The following MAP3K20 variants were observed in gnomAD, a reference collection of about 807,000 sequenced individuals.
The protein encoded by MAP3K20 is HCCS-4.
In MAP3K20, 40 loss-of-function variants were observed where a neutral mutation model predicts 85.7. The ratio of observed to expected loss-of-function variants is 0.47; its 90% confidence interval spans 0.36 to 0.61. MAP3K20 has a LOEUF of 0.61. Among genes scored for constraint, MAP3K20 ranks in the 20% least tolerant of loss-of-function variants. MAP3K20 has a pLI of 0.00. For synonymous variants in MAP3K20, 325 were observed against 327.7 expected, an observed-to-expected ratio of 0.99 and a Z score of 0.09; for missense variants, 817 against 961.7, an observed-to-expected ratio of 0.85 and a Z score of 1.99.
chr2:173,180,092 T>C (rs1690281114), intron 3 of MAP3K20, among the ~76,000 whole-genome samples: 1 of 152,198 alleles, frequency 6.6e-6, no homozygotes, highest in African/African-American at 2.4e-5. Flanking sequence ...CAGCAGACTT[T>C]TTTTTAGAAA....
intron 2 of MAP3K20, chr2:173,160,126 A>C (rs1463757145): frequency 6.6e-6 from 1 of 152,142 alleles, no homozygotes; most frequent in African/African-American, 2.4e-5. Context: ...TATAGGATGT[A>C]TTCTATTATG....
At chr2:173,215,397 C>A (rs1276345030) in intron 10 of MAP3K20, among the ~76,000 whole-genome samples, 2 of 152,140 alleles carry the variant, frequency 1.3e-5, no homozygotes, top group African/African-American at 4.8e-5. Context: ...CTCAGTCCTC[C>A]ATTGAAAAAT....
At chr2:173,091,238 AAGCTTTTTCAACCTCG>A (rs1253261760) in intron 2 of MAP3K20, 48 bp downstream of exon 2, 1 of 1,580,380 alleles carries the variant, frequency 6.3e-7, no homozygotes, top group Non-Finnish European at 8.6e-7. Flanking sequence ...CCATTTATGT[AAGCTTTTTCAACCTCG>A]AGTTAGAGGG....
chr2:173,179,704 G>GCACGCACA (rs1690268004), intron 3 of MAP3K20, among the ~76,000 whole-genome samples: 1 of 146,080 alleles, frequency 6.8e-6, no homozygotes, highest in African/African-American at 2.5e-5. Context: ...TAAGGAATGC[G>GCACGCACA]CACACACACA....
intron 2 of MAP3K20, among the ~76,000 whole-genome samples, chr2:173,140,302 G>T (rs183966234): frequency 6.8e-6 from 1 of 146,172 alleles, no homozygotes; most frequent in African/African-American, 2.5e-5. Context: ...GAGCCACCAC[G>T]CCCAGCCACA....
chr2:173,144,370 G>A (rs1410084298), intron 2 of MAP3K20, among the ~76,000 whole-genome samples: 28 of 149,426 alleles, frequency 1.9e-4, no homozygotes, highest in Non-Finnish European at 1.6e-4. Context: ...GGCTGAGGCA[G>A]GAGAATGGTG....
Position 173,263,791 on chromosome 2 carries a change from A to G in MAP3K20, c.1598A>G (p.Gln533Arg). The change falls in exon 19 of 20, where the codon CAG (glutamine) becomes CGG (arginine). Residue 533 changes from glutamine (Q) to arginine (R), a missense_variant. This residue lies in a region of MAP3K20 where 454 missense variants were observed against 476.9 expected (regional missense o/e 0.95). Coordinates refer to ENST00000375213, the MANE Select transcript of MAP3K20 (RefSeq NM_016653.3). The part of the protein sequence containing the change: ...PKSTKHVHSI[Q>R]WSRTKPQDEV... ...AGCACTAAACATGTCCATTCGATTCAGTGGAGTAGAACAAAACCTCAGGAT... is the reference window on the plus strand; with the variant it reads ...AGCACTAAACATGTCCATTCGATTCGGTGGAGTAGAACAAAACCTCAGGAT... 1 of 1,613,446 alleles carries G rather than the reference A, an allele frequency of 6.2e-7. No homozygotes were observed. The highest frequency in any genetic ancestry group is 2.2e-5 in the East Asian group (1 of 44,862).
chr2:173,163,570 G>T (rs1689726808), intron 2 of MAP3K20, among the ~76,000 whole-genome samples: 1 of 151,856 alleles, frequency 6.6e-6, no homozygotes, highest in African/African-American at 2.4e-5. Context: ...CCATGTTTCT[G>T]CAAAGGACAT....
intron 2 of MAP3K20, among the ~76,000 whole-genome samples, chr2:173,102,741 C>T (rs1387854308): frequency 1.3e-5 from 2 of 152,090 alleles, no homozygotes; most frequent in East Asian, 3.9e-4. Context: ...GCTGATCTCA[C>T]GACATTTTAA....
intron 11 of MAP3K20, chr2:173,225,273 C>A: frequency 2.3e-6 from 1 of 425,692 alleles, no homozygotes; most frequent in Non-Finnish European, 3.1e-6. Flanking sequence ...TTATGAATGC[C>A]AGGGACAGTG....
intron 2 of MAP3K20, among the ~76,000 whole-genome samples, chr2:173,155,192 A>G (rs3769184): frequency 0.49 from 74,112 of 151,922 alleles, 20,837 homozygotes; most frequent in South Asian, 0.69. Context: ...GGTGTAAGGT[A>G]GGAGTGCTGA....
intron 2 of MAP3K20, among the ~76,000 whole-genome samples, chr2:173,097,519 C>T (rs1349136213): frequency 6.6e-6 from 1 of 152,026 alleles, no homozygotes; most frequent in Non-Finnish European, 1.5e-5. Context: ...AACTTGAAAT[C>T]TGTTGATACT....
intron 3 of MAP3K20, among the ~76,000 whole-genome samples, chr2:173,178,315 A>T (rs1690225117): frequency 6.6e-6 from 1 of 152,232 alleles, no homozygotes; most frequent in South Asian, 2.1e-4. Flanking sequence ...GATACAAATT[A>T]TCAAAACAGA....
At chr2:173,112,777 G>A (rs950086531) in intron 2 of MAP3K20, among the ~76,000 whole-genome samples, 1 of 151,850 alleles carries the variant, frequency 6.6e-6, no homozygotes, top group Non-Finnish European at 1.5e-5. Flanking sequence ...ACTTGATCAT[G>A]GTAGATTATC....
intron 2 of MAP3K20, among the ~76,000 whole-genome samples, chr2:173,164,209 C>T (rs1190086465): frequency 6.6e-6 from 1 of 152,128 alleles, no homozygotes; most frequent in Admixed American, 6.6e-5. Context: ...CTGCCCGCCT[C>T]GGCCTCCCAA....
At chr2:173,115,596 C>T (rs1047016041) in intron 2 of MAP3K20, among the ~76,000 whole-genome samples, 1 of 152,092 alleles carries the variant, frequency 6.6e-6, no homozygotes, top group African/African-American at 2.4e-5. Context: ...TATTTTGTCC[C>T]ATGAGGTGTT....
intron 4 of MAP3K20, 48 bp from the exon 5 acceptor site, chr2:173,187,510 T>C (rs1378665051): frequency 6.7e-7 from 1 of 1,491,686 alleles, no homozygotes; most frequent in Admixed American, 2.1e-5. Context: ...AATACTGATG[T>C]AATGTTGAAA....
At chr2:173,205,440 G>T (rs1683652478) in intron 9 of MAP3K20, among the ~76,000 whole-genome samples, 1 of 152,164 alleles carries the variant, frequency 6.6e-6, no homozygotes, top group Non-Finnish European at 1.5e-5. Flanking sequence ...TGGGGACTAT[G>T]TTAGTATAAC....
chr2:173,226,159 CTTGATCCCCA>C, intron 11 of MAP3K20: 1 of 974,800 alleles, frequency 1.0e-6, no homozygotes, highest in Non-Finnish European at 1.2e-6. Context: ...GGTAGTCAAA[CTTGATCCCCA>C]TTAAAAATCA....
Sources: gnomAD v4.1 joint callset for allele counts (sites outside exome capture counted in the v4.1 genomes callset) on GRCh38, gnomAD v4.1.1 for gene constraint, gnomAD v4.1.1 regional missense constraint, MANE v1.5 for transcripts, NCBI Gene and HGNC (gene_info 2026-07-23, HGNC 2026-07-21) for gene names.